WDR27: variants seen among roughly 807,000 people sequenced by gnomAD.
The protein encoded by WDR27 is WD repeat domain 27.
Under a neutral mutation model 114.4 loss-of-function variants are expected in WDR27, and 100 were observed. The ratio of observed to expected loss-of-function variants is 0.87; its 90% CI spans 0.74 to 1.03. The LOEUF (loss-of-function observed/expected upper bound fraction) is 1.03. Ranked by LOEUF, WDR27 falls within the 50% of genes least tolerant of loss-of-function variation. The pLI is 0.00. For synonymous variants in WDR27, 449 were observed against 423.1 expected, an observed-to-expected ratio of 1.06 and a Z score of -0.75; for missense variants, 1,129 against 1,092.9, an observed-to-expected ratio of 1.03 and a Z score of -0.47.
chr6:169,667,504 A>G, intron 5 of WDR27: 1 of 495,754 alleles, frequency 2.0e-6, no homozygotes, highest in Non-Finnish European at 2.6e-6. Context: ...ACCAAGCGGA[A>G]ACTGTAGCAG....
intron 5 of WDR27, 64 bp downstream of exon 5, chr6:169,667,918 C>G: frequency 6.8e-7 from 1 of 1,478,040 alleles, no homozygotes; most frequent in Non-Finnish European, 9.1e-7. Flanking sequence ...GCACAGCTCC[C>G]GTCACCACAG....
intron 4 of WDR27, 77 bp downstream of exon 4, chr6:169,670,492 G>A (rs1222476213): frequency 2.1e-5 from 33 of 1,552,004 alleles, no homozygotes; most frequent in South Asian, 8.5e-5. Context: ...AGAAAAGACC[G>A]CTGGGCAAGG....
At chr6:169,562,643 G>A (rs888242839) in intron 25 of WDR27, among the ~76,000 whole-genome samples, 1 of 152,162 alleles carries the variant, frequency 6.6e-6, no homozygotes, top group African/African-American at 2.4e-5. Context: ...GAGTGCCCCG[G>A]GCACAGGATA....
intron 24 of WDR27, among the ~76,000 whole-genome samples, chr6:169,577,456 G>A (rs1802582911): frequency 1.3e-5 from 2 of 152,212 alleles, no homozygotes; most frequent in South Asian, 4.1e-4. Flanking sequence ...CGGGGAGATG[G>A]TTCTGGATGT....
At chr6:169,436,963 T>C in the WDR27 span, among the ~76,000 whole-genome samples, 14 of 152,108 alleles carry the variant, frequency 9.2e-5, no homozygotes, top group Non-Finnish European at 1.5e-4. Flanking sequence ...TTACTAAAAA[T>C]TAAAGTTACT....
chr6:169,431,823 TTAAAG>T, the WDR27 span, among the ~76,000 whole-genome samples: 3 of 152,226 alleles, frequency 2.0e-5, no homozygotes, highest in Non-Finnish European at 4.4e-5. Context: ...TTTCTTAGAA[TTAAAG>T]TAAAAGATTG....
intron 25 of WDR27, among the ~76,000 whole-genome samples, chr6:169,525,466 G>A (rs1794843408): frequency 1.3e-5 from 2 of 150,742 alleles, no homozygotes; most frequent in African/African-American, 4.9e-5. Flanking sequence ...AACCCGGGAG[G>A]TGGAGCTTGC....
At chr6:169,543,362 G>A (rs1470925198) in intron 25 of WDR27, among the ~76,000 whole-genome samples, 1 of 152,008 alleles carries the variant, frequency 6.6e-6, no homozygotes, top group Admixed American at 6.5e-5. Context: ...TAGGACAACA[G>A]TTCTTAAACA....
chr6:169,516,836 C>CACACACACACA (rs1562522095), intron 25 of WDR27, among the ~76,000 whole-genome samples: 20 of 149,774 alleles, frequency 1.3e-4, no homozygotes, highest in South Asian at 4.2e-4. Context: ...CACACACACA[C>CACACACACACA]CCCTCCCTTA....
chr6:169,486,318 C>A (rs1332457258), intron 25 of WDR27, among the ~76,000 whole-genome samples: 2 of 151,950 alleles, frequency 1.3e-5, no homozygotes, highest in African/African-American at 4.8e-5. Flanking sequence ...ACCATTTGAC[C>A]CAGCAAAGCC....
intron 22 of WDR27, among the ~76,000 whole-genome samples, chr6:169,606,622 G>A (rs1288050804): frequency 6.6e-6 from 1 of 152,070 alleles, no homozygotes; most frequent in Non-Finnish European, 1.5e-5. Context: ...CTCCATCCAT[G>A]TCCCTGCAAA....
chr6:169,650,692 T>C (rs1213104558), intron 14 of WDR27, among the ~76,000 whole-genome samples: 1 of 118,264 alleles, frequency 8.5e-6, no homozygotes, highest in Non-Finnish European at 1.8e-5. Context: ...ATCTCTGCAC[T>C]GCTCCATCCC....
intron 22 of WDR27, among the ~76,000 whole-genome samples, chr6:169,607,105 G>T (rs1033267666): frequency 6.6e-6 from 1 of 152,170 alleles, no homozygotes; most frequent in Admixed American, 6.5e-5. Flanking sequence ...TGTCAAGGAT[G>T]CAGGGAAAAG....
intron 14 of WDR27, among the ~76,000 whole-genome samples, chr6:169,651,620 C>T (rs1213980103): frequency 6.6e-6 from 1 of 152,172 alleles, no homozygotes; most frequent in Non-Finnish European, 1.5e-5. Flanking sequence ...ACAGCATCGT[C>T]ATGCTCTCCC....
At chr6:169,699,698 C>T (rs900506350) in intron 1 of WDR27, among the ~76,000 whole-genome samples, 7 of 152,100 alleles carry the variant, frequency 4.6e-5, no homozygotes, top group African/African-American at 9.7e-5. Flanking sequence ...CCTCAGCAAA[C>T]AAGCCAGGCA....
At position 169,651,915 on chromosome 6, in the gene WDR27, C is replaced by T. The variant is rs761668307; in HGVS notation, c.1481+15G>A. The T allele has an allele frequency of 3.7e-6, 6 of 1,608,830 alleles. No individual in the cohort carries two copies. The highest frequency in any genetic ancestry group is 5.1e-6 in the Non-Finnish European group (6 of 1,177,132). ...CAGGTGCATTTCTGTCTCTCATTGA[C>T]ATGAGTTCACTCACTGTGGTGCTGA... is the stretch of plus-strand genomic sequence containing the variant. On this transcript the variant is annotated intron_variant, in intron 14 of 25. Coordinates refer to ENST00000448612, the MANE Select transcript of WDR27 (RefSeq NM_182552.5).
Position 169,684,030 on chromosome 6 carries a change from G to A in WDR27, c.189+4787C>T, listed in dbSNP as rs935339502. ...GTCACTGCCATTCTCCAGCCCTGGGGCTCCATCTTTACTATACCAAGCCCA... is the reference window on the plus strand; with the variant it reads ...GTCACTGCCATTCTCCAGCCCTGGGACTCCATCTTTACTATACCAAGCCCA... On this transcript the variant is annotated intron_variant, in intron 2 of 25. Coordinates refer to ENST00000448612, the MANE Select transcript of WDR27 (RefSeq NM_182552.5). The surrounding 1 kb of genome is among the most constrained non-coding windows in gnomAD (Gnocchi z 4.3). Among the ~76,000 whole-genome samples the A allele has an allele frequency of 6.6e-6, 1 of 152,124 alleles. No individual in the cohort carries two copies. Among genetic ancestry groups the A allele is most frequent in the Non-Finnish European group, 1.5e-5 (1 of 68,020 alleles).
chr6:169,650,893 A>G (rs954828763), intron 14 of WDR27, among the ~76,000 whole-genome samples: 12 of 152,036 alleles, frequency 7.9e-5, no homozygotes, highest in Admixed American at 2.6e-4. Context: ...GTGCCTTATG[A>G]GAGGGTCCAG....
At chr6:169,600,837 A>T (rs1807832534) in intron 23 of WDR27, among the ~76,000 whole-genome samples, 1 of 152,144 alleles carries the variant, frequency 6.6e-6, no homozygotes, top group Non-Finnish European at 1.5e-5. Context: ...TCTACGTCTG[A>T]TTGGTGTACC....
Sources: allele counts gnomAD v4.1 joint callset (sites outside exome capture counted in the v4.1 genomes callset), GRCh38; gene constraint gnomAD v4.1.1; non-coding constraint Gnocchi (gnomAD v3.1); transcripts MANE v1.5; gene names NCBI Gene and HGNC (gene_info 2026-07-23, HGNC 2026-07-21).